EFNA5: variants seen among roughly 807,000 people sequenced by gnomAD.
EFNA5 encodes ephrin A5.
EFNA5 carries 5 observed loss-of-function variants against 22.9 expected under a neutral mutation model. The observed-to-expected ratio is 0.22, with a 90% CI of 0.11 to 0.46. The LOEUF (loss-of-function observed/expected upper bound fraction) is 0.46. Ranked by LOEUF, EFNA5 falls within the 20% of genes least tolerant of loss-of-function variation. The probability of loss-of-function intolerance (pLI) is 0.99; values close to 1 mark genes in which losing one functional copy is unlikely to be tolerated. For synonymous variants in EFNA5, 113 were observed against 112.2 expected, an observed-to-expected ratio of 1.01 and a Z score of -0.04; for missense variants, 237 against 293.3, an observed-to-expected ratio of 0.81 and a Z score of 1.40.
intron 1 of EFNA5, among the ~76,000 whole-genome samples, chr5:107,547,548 C>G (rs1216222659): frequency 6.6e-6 from 1 of 151,858 alleles, no homozygotes; most frequent in Non-Finnish European, 1.5e-5. Context: ...AAAATACAAG[C>G]CTACTTCATG....
intron 1 of EFNA5, among the ~76,000 whole-genome samples, chr5:107,518,709 GC>G (rs1747533815): frequency 6.6e-6 from 1 of 152,154 alleles, no homozygotes; most frequent in South Asian, 2.1e-4. Flanking sequence ...CCTATGAGCT[GC>G]TGAAGATCAA....
chr5:107,553,690 A>C (rs558171074), intron 1 of EFNA5, among the ~76,000 whole-genome samples: 1 of 152,364 alleles, frequency 6.6e-6, no homozygotes, highest in East Asian at 1.9e-4. Flanking sequence ...ATCTTCTTGC[A>C]TATCCAATGG....
At chr5:107,451,795 C>A (rs1749566472) in intron 1 of EFNA5, among the ~76,000 whole-genome samples, 1 of 152,118 alleles carries the variant, frequency 6.6e-6, no homozygotes, top group African/African-American at 2.4e-5. Flanking sequence ...CTTAGTTCAA[C>A]CATTGTGGAA....
In EFNA5 at chr5:107,642,438, T is replaced by A. The variant is rs190098975; in HGVS notation, c.125+28051A>T. 4.3e-5 allele frequency among the ~76,000 whole-genome samples: 6 copies of A among 139,462 alleles called. No homozygotes were observed. In the East Asian group the frequency reaches 1.0e-3, roughly 24 times the overall value. The allele number at this position is 139,462 out of a possible 152,430, so 91.5% of individuals were successfully genotyped here. On this transcript the variant is annotated intron_variant, in intron 1 of 4. Transcript: ENST00000333274. ...TATCAAAATATCATTTTGTAGACCA[T>A]AGATATATACAATTTTTGTCAACTA...
intron 1 of EFNA5, among the ~76,000 whole-genome samples, chr5:107,643,905 C>A (rs1750578713): frequency 6.6e-6 from 1 of 151,178 alleles, no homozygotes; most frequent in Admixed American, 6.6e-5. Context: ...ATAATAAAGG[C>A]AGCACATGGC....
intron 1 of EFNA5, among the ~76,000 whole-genome samples, chr5:107,669,180 C>T (rs1257722961): frequency 6.6e-6 from 1 of 151,728 alleles, no homozygotes; most frequent in East Asian, 1.9e-4. Context: ...TGGAGGCAGG[C>T]GGAGAGGGCC....
At chr5:107,595,549 G>A (rs1266671265) in intron 1 of EFNA5, among the ~76,000 whole-genome samples, 1 of 152,094 alleles carries the variant, frequency 6.6e-6, no homozygotes, top group Non-Finnish European at 1.5e-5. Context: ...TTTTTGGGAA[G>A]CCGGGAAAGG....
At chr5:107,567,972 C>T (rs546035698) in intron 1 of EFNA5, among the ~76,000 whole-genome samples, 10 of 152,344 alleles carry the variant, frequency 6.6e-5, no homozygotes, top group African/African-American at 2.4e-4. Flanking sequence ...TCATGGCTCA[C>T]TGCAGCCTCG....
At chr5:107,575,036 C>T (rs920037772) in intron 1 of EFNA5, among the ~76,000 whole-genome samples, 5 of 152,160 alleles carry the variant, frequency 3.3e-5, no homozygotes, top group Non-Finnish European at 2.9e-5. Flanking sequence ...CTGATGCTAA[C>T]GTGAAAAACC....
At chr5:107,553,343 A>G (rs1473299190) in intron 1 of EFNA5, among the ~76,000 whole-genome samples, 2 of 152,168 alleles carry the variant, frequency 1.3e-5, no homozygotes, top group African/African-American at 4.8e-5. Context: ...CAGGGAGAGG[A>G]AAGATGGGAG....
chr5:107,513,006 C>A (rs1046304161), intron 1 of EFNA5, among the ~76,000 whole-genome samples: 2 of 152,178 alleles, frequency 1.3e-5, no homozygotes, highest in African/African-American at 2.4e-5. Flanking sequence ...GGCTCTGCCC[C>A]TTCCTGATGG....
intron 1 of EFNA5, among the ~76,000 whole-genome samples, chr5:107,599,361 C>T (rs1749541765): frequency 6.6e-6 from 1 of 152,146 alleles, no homozygotes; most frequent in African/African-American, 2.4e-5. Flanking sequence ...CAGAGATATG[C>T]TCTGAGTATG....
At chr5:107,498,205 C>T (rs62355578) in intron 1 of EFNA5, among the ~76,000 whole-genome samples, 11,113 of 152,324 alleles carry the variant, frequency 0.073, 448 homozygotes, top group East Asian at 0.15. Context: ...CGTGAGCCAA[C>T]AAGCCCGGCC....
intron 4 of EFNA5, among the ~76,000 whole-genome samples, chr5:107,383,838 T>C (rs532853125): frequency 6.6e-6 from 1 of 152,310 alleles, no homozygotes; most frequent in East Asian, 1.9e-4. Flanking sequence ...AAGGCTTTTG[T>C]TTTTCATCTA....
chr5:107,449,488 G>A (rs529639557), intron 1 of EFNA5, among the ~76,000 whole-genome samples: 3 of 152,214 alleles, frequency 2.0e-5, no homozygotes, highest in East Asian at 1.9e-4. Flanking sequence ...AAGAGAAGAT[G>A]TAGCTTATCA....
chr5:107,424,216 T>TTTC (rs1384891861), intron 2 of EFNA5, among the ~76,000 whole-genome samples: 5 of 137,766 alleles, frequency 3.6e-5, no homozygotes, highest in African/African-American at 1.4e-4. Context: ...TTTTTTTTTT[T>TTTC]TTTTTTTTGA....
intron 1 of EFNA5, among the ~76,000 whole-genome samples, chr5:107,627,982 A>G (rs1262369241): frequency 6.6e-6 from 1 of 152,236 alleles, no homozygotes; most frequent in African/African-American, 2.4e-5. Context: ...TAACTAGGCT[A>G]GATCTATAGT....
chr5:107,415,507 G>GT (rs571111774), intron 2 of EFNA5, among the ~76,000 whole-genome samples: 59 of 152,270 alleles, frequency 3.9e-4, no homozygotes, highest in Non-Finnish European at 6.3e-4. Flanking sequence ...GGCGAGGCCA[G>GT]TAAGAGAAGA....
At chr5:107,493,928 T>C (rs1379039632) in intron 1 of EFNA5, among the ~76,000 whole-genome samples, 1 of 152,204 alleles carries the variant, frequency 6.6e-6, no homozygotes, top group Non-Finnish European at 1.5e-5. Flanking sequence ...TTGTTAGTGT[T>C]AGTGTGGAGG....
Sources: gnomAD v4.1 joint callset for allele counts (sites outside exome capture counted in the v4.1 genomes callset) on GRCh38, gnomAD v4.1.1 for gene constraint, MANE v1.5 for transcripts, NCBI Gene and HGNC (gene_info 2026-07-23, HGNC 2026-07-21) for gene names.